The following KCNIP1 variants were observed in gnomAD, a reference collection of about 807,000 sequenced individuals.
KCNIP1 encodes the protein potassium voltage-gated channel interacting protein 1, also known as A-type potassium channel modulatory protein KCNIP1.
A neutral mutation model predicts 33.0 loss-of-function variants in KCNIP1; 18 were observed. That is an observed-to-expected ratio of 0.55 (90% CI 0.38 to 0.81). KCNIP1 has a LOEUF of 0.81. KCNIP1 is among the 30% of genes least tolerant of loss of function. The probability of loss-of-function intolerance (pLI) is 0.00; values close to 1 mark genes in which losing one functional copy is unlikely to be tolerated. For synonymous variants in KCNIP1, 93 were observed against 98.3 expected, an observed-to-expected ratio of 0.95 and a Z score of 0.32; for missense variants, 238 against 271.6, an observed-to-expected ratio of 0.88 and a Z score of 0.87.
intron 1 of KCNIP1, among the ~76,000 whole-genome samples, chr5:170,682,268 T>C (rs1409281654): frequency 6.6e-6 from 1 of 152,242 alleles, no homozygotes; most frequent in East Asian, 1.9e-4. Flanking sequence ...TTCTAGGTCT[T>C]GGTTTCCTTA....
intron 1 of KCNIP1, among the ~76,000 whole-genome samples, chr5:170,434,580 A>G (rs1327689348): frequency 1.6e-4 from 25 of 152,108 alleles, no homozygotes; most frequent in Admixed American, 1.6e-3. Flanking sequence ...GTCTCTGCAG[A>G]CTAGGAGCAG....
intron 1 of KCNIP1, among the ~76,000 whole-genome samples, chr5:170,400,322 A>G (rs1305451256): frequency 6.6e-6 from 1 of 152,190 alleles, no homozygotes; most frequent in Non-Finnish European, 1.5e-5. Flanking sequence ...GAGAAGGGGA[A>G]GCAGGCACCT....
At chr5:170,729,163 C>A (rs765201949) in intron 5 of KCNIP1, among the ~76,000 whole-genome samples, 8 of 151,726 alleles carry the variant, frequency 5.3e-5, no homozygotes, top group Non-Finnish European at 1.2e-4. Context: ...TAAAAAAGAA[C>A]TAAAAATCAT....
intron 1 of KCNIP1, among the ~76,000 whole-genome samples, chr5:170,424,452 C>G (rs147806527): frequency 3.9e-5 from 6 of 152,148 alleles, no homozygotes; most frequent in Non-Finnish European, 7.4e-5. Flanking sequence ...CAAGGCTGCC[C>G]GAGAACAAAG....
At chr5:170,434,204 A>C (rs1002600730) in intron 1 of KCNIP1, among the ~76,000 whole-genome samples, 6 of 152,270 alleles carry the variant, frequency 3.9e-5, no homozygotes, top group Admixed American at 3.3e-4. Context: ...TACCTCCCTC[A>C]TAAGTTTCTT....
At chr5:170,686,114 G>A (rs895136979) in intron 1 of KCNIP1, among the ~76,000 whole-genome samples, 2 of 152,140 alleles carry the variant, frequency 1.3e-5, no homozygotes, top group African/African-American at 4.8e-5. Context: ...TTCAGAGTGA[G>A]CAGATTCCTA....
At chr5:170,673,188 T>A (rs920566778) in intron 1 of KCNIP1, among the ~76,000 whole-genome samples, 2 of 152,248 alleles carry the variant, frequency 1.3e-5, no homozygotes, top group Non-Finnish European at 2.9e-5. Context: ...CCGATTAGTC[T>A]AAACTGGTGA....
At chr5:170,355,733 C>G (rs1173295228) in intron 1 of KCNIP1, among the ~76,000 whole-genome samples, 1 of 152,230 alleles carries the variant, frequency 6.6e-6, no homozygotes, top group African/African-American at 2.4e-5. Flanking sequence ...AAGGAACCAG[C>G]TGGAGAGTCA....
At chr5:170,662,703 G>A (rs1164678562) in intron 1 of KCNIP1, among the ~76,000 whole-genome samples, 1 of 152,184 alleles carries the variant, frequency 6.6e-6, no homozygotes, top group African/African-American at 2.4e-5. Context: ...ACAAGCCCTC[G>A]CCTGGTTCTA....
chr5:170,397,532 A>T (rs1326190614), intron 1 of KCNIP1, among the ~76,000 whole-genome samples: 1 of 152,168 alleles, frequency 6.6e-6, no homozygotes, highest in Non-Finnish European at 1.5e-5. Context: ...TAGGGGTCTG[A>T]AAGGTATGTA....
intron 1 of KCNIP1, among the ~76,000 whole-genome samples, chr5:170,380,605 AG>A (rs1326128556): frequency 6.6e-6 from 1 of 152,240 alleles, no homozygotes; most frequent in Non-Finnish European, 1.5e-5. Flanking sequence ...CCAGCCAGCC[AG>A]GGAGTAGCTG....
intron 1 of KCNIP1, among the ~76,000 whole-genome samples, chr5:170,470,616 G>C (rs1232945005): frequency 6.6e-6 from 1 of 152,214 alleles, no homozygotes; most frequent in East Asian, 1.9e-4. Context: ...AAGGTAGAGG[G>C]GGAGAGGTTA....
At chr5:170,482,738 C>T (rs1240555657) in intron 1 of KCNIP1, among the ~76,000 whole-genome samples, 1 of 152,176 alleles carries the variant, frequency 6.6e-6, no homozygotes, top group Non-Finnish European at 1.5e-5. Flanking sequence ...AGTCAAGTAA[C>T]GTCCAAGGCC....
intron 1 of KCNIP1, among the ~76,000 whole-genome samples, chr5:170,617,314 C>T (rs921625114): frequency 6.6e-6 from 1 of 151,846 alleles, no homozygotes; most frequent in African/African-American, 2.4e-5. Context: ...GAAACAAAGA[C>T]AAAAAGGCCG....
At chr5:170,608,168 C>A (rs540030493) in intron 1 of KCNIP1, among the ~76,000 whole-genome samples, 2 of 152,240 alleles carry the variant, frequency 1.3e-5, no homozygotes, top group South Asian at 4.1e-4. Context: ...ACAAGGACAC[C>A]ACTACATTCA....
At chr5:170,691,095 G>C (rs1460253756) in intron 1 of KCNIP1, among the ~76,000 whole-genome samples, 1 of 152,216 alleles carries the variant, frequency 6.6e-6, no homozygotes, top group African/African-American at 2.4e-5. Flanking sequence ...CCTAGCCAAG[G>C]CTACAGCATT....
chr5:170,412,652 G>T (rs928749638), intron 1 of KCNIP1, among the ~76,000 whole-genome samples: 1 of 152,154 alleles, frequency 6.6e-6, no homozygotes, highest in Non-Finnish European at 1.5e-5. Context: ...GTGCTGTCTT[G>T]GGTGGAGAAA....
intron 1 of KCNIP1, among the ~76,000 whole-genome samples, chr5:170,685,694 G>A (rs1243259516): frequency 1.3e-5 from 2 of 151,950 alleles, no homozygotes; most frequent in Non-Finnish European, 2.9e-5. Flanking sequence ...TCCCCATGTT[G>A]ACCAGGCTAG....
At chr5:170,524,941 T>C (rs1276813184) in intron 1 of KCNIP1, among the ~76,000 whole-genome samples, 2 of 152,174 alleles carry the variant, frequency 1.3e-5, no homozygotes, top group Non-Finnish European at 2.9e-5. Context: ...AGAAGTGGGT[T>C]GGAGCAGGAG....
Sources: gnomAD v4.1 joint callset for allele counts (sites outside exome capture counted in the v4.1 genomes callset) on GRCh38, gnomAD v4.1.1 for gene constraint, MANE v1.5 for transcripts, NCBI Gene and HGNC (gene_info 2026-07-23, HGNC 2026-07-21) for gene names.